The following FAM234A variants were observed in gnomAD, a reference collection of about 807,000 sequenced individuals.
FAM234A encodes the protein protein FAM234A.
In FAM234A, 42 loss-of-function variants were observed where a neutral mutation model predicts 49.1. The ratio of observed to expected loss-of-function variants is 0.86; its 90% CI spans 0.67 to 1.11. The LOEUF (loss-of-function observed/expected upper bound fraction) is 1.11. Ranked by LOEUF, FAM234A falls within the 50% of genes least tolerant of loss-of-function variation. The pLI is 0.00. For missense variants in FAM234A, 815 were observed against 745.2 expected (o/e 1.09, Z -1.09); for synonymous variants, 369 against 316.2 (o/e 1.17, Z -1.77).
chr16:269,369 G>T (rs920288556), downstream of FAM234A: 2 of 1,602,842 alleles, frequency 1.2e-6, no homozygotes, highest in African/African-American at 2.7e-5. Context: ...TGGCCTCCAC[G>T]TAAACGGGAA....
chr16:248,760 A>G (rs779753356), intron 1 of FAM234A, among the ~76,000 whole-genome samples: 2 of 151,764 alleles, frequency 1.3e-5, no homozygotes, highest in African/African-American at 4.9e-5. Flanking sequence ...AGTTGGGACT[A>G]TAGGTGCCCA....
intron 4 of FAM234A, 28 bp from the exon 5 acceptor site, chr16:259,941 A>G (rs765969706): frequency 1.2e-6 from 2 of 1,603,504 alleles, no homozygotes; most frequent in South Asian, 1.1e-5. Flanking sequence ...ATGGTGCAAC[A>G]GTGAGGTGCC....
chr16:269,579 A>G, downstream of FAM234A: 1 of 1,612,884 alleles, frequency 6.2e-7, no homozygotes, highest in Non-Finnish European at 8.5e-7. Context: ...AACCTTGGGT[A>G]GGAGTCCTAC....
intron 2 of FAM234A, 173 bp from the exon 3 acceptor site, chr16:254,208 A>G: frequency 1.6e-6 from 1 of 638,928 alleles, no homozygotes; most frequent in Non-Finnish European, 2.8e-6. Context: ...CTTAAGTATA[A>G]TCTGTTAAGA....
intron 5 of FAM234A, chr16:260,684 C>T (rs562573817): frequency 6.4e-5 from 30 of 467,528 alleles, no homozygotes; most frequent in African/African-American, 4.6e-4. Context: ...TGCACCTCAT[C>T]GCGGTCTGGA....
chr16:264,059 T>C lies in FAM234A; in HGVS notation c.1232T>C (p.Leu411Pro). ...GGCACTGGAGCCGTCCTGTGTAGCC[T>C]AGCCCTCCCGAGCCTCCCTGGGGGT... is the stretch of plus-strand genomic sequence containing the variant. ...DLGTGAVLCS[L>P]ALPSLPGGPL... is the part of the protein sequence containing the mutation. Residue 411 changes from leucine to proline, a missense_variant, in exon 11 of 13, where the codon CTA becomes CCA. Leu to Pro is a moderately conservative substitution (Grantham distance 98). Coordinates refer to ENST00000399932, the MANE Select transcript of FAM234A (RefSeq NM_032039.4). 1 of 1,613,148 alleles carries C rather than the reference T, an allele frequency of 6.2e-7. No individual in the cohort carries two copies. The highest frequency in any genetic ancestry group is 8.5e-7 in the Non-Finnish European group (1 of 1,179,974).
intron 1 of FAM234A, among the ~76,000 whole-genome samples, chr16:235,969 A>G (rs143230922): frequency 0.017 from 2,566 of 151,380 alleles, 80 homozygotes; most frequent in African/African-American, 0.059. Context: ...CATGGCCAAC[A>G]TGGTGAAATC....
At chr16:261,580 C>T (rs531219989) in intron 6 of FAM234A, 66 bp downstream of exon 6, 248 of 1,503,402 alleles carry the variant, frequency 1.6e-4, no homozygotes, top group Admixed American at 3.8e-4. Flanking sequence ...TGCTCTACCT[C>T]CCCATCTGCT....
chr16:266,099 C>G (rs1244737861), downstream of FAM234A: 22 of 985,492 alleles, frequency 2.2e-5, no homozygotes, highest in Non-Finnish European at 2.3e-5. Flanking sequence ...CTGAAAAACC[C>G]CGGTGGTCAG....
At position 265,894 on chromosome 16, in the gene FAM234A, C is replaced by T. The variant is rs543014418; in HGVS notation, c.*872C>T. Reference sequence around the variant, plus strand: ...TGGCAAGCGCCTGCCTCTCCCCTTCCGGTGCTCACACGCCCACGCCGTGCC... The same window carrying T: ...TGGCAAGCGCCTGCCTCTCCCCTTCTGGTGCTCACACGCCCACGCCGTGCC... On this transcript the variant is annotated 3_prime_UTR_variant, in exon 13 of 13. Transcript: ENST00000399932. The T allele has an allele frequency of 2.7e-5, 27 of 986,594 alleles. No individual in the cohort carries two copies. Among genetic ancestry groups the T allele is most frequent in the South Asian group, 2.3e-4 (5 of 21,302 alleles). The allele number at this position is 986,594 out of a possible 1,614,324, so 61.1% of individuals were successfully genotyped here.
downstream of FAM234A, among the ~76,000 whole-genome samples, chr16:267,660 T>C (rs1296387269): frequency 7.7e-6 from 1 of 129,514 alleles, no homozygotes; most frequent in Non-Finnish European, 1.6e-5. Flanking sequence ...CACACACATA[T>C]GCATGCCTCA....
At position 254,475 on chromosome 16, in the gene FAM234A, C is replaced by T; in HGVS notation, c.62C>T (p.Ser21Leu). 4 of 1,614,056 alleles carry T rather than the reference C, an allele frequency of 2.5e-6. No individual in the cohort carries two copies. Among genetic ancestry groups the T allele is most frequent in the East Asian group, 2.2e-5 (1 of 44,900 alleles). Residue 21 changes from serine (S) to leucine (L), a missense_variant, in exon 3 of 13, where the codon TCG becomes TTG. Physicochemically the swap from Ser to Leu is moderately radical, Grantham distance 145 (BLOSUM62 -2). Transcript: ENST00000399932. The part of the protein sequence containing the change: ...IHPLKNEERK[S>L]QENLGNPSKN... Reference sequence around the variant, plus strand: ...CCCTTGAAAAATGAAGAAAGAAAATCGCAGGAAAATCTGGGAAATCCATCA... The same window carrying T: ...CCCTTGAAAAATGAAGAAAGAAAATTGCAGGAAAATCTGGGAAATCCATCA...
Position 263,732 on chromosome 16 carries a change from C to T in FAM234A, c.1145C>T (p.Thr382Ile), listed in dbSNP as rs868277193. ...ATCTTCGGCCGCTACAAACCAGACA[C>T]CTTGGCTGTAGCCGTTGAAAACGGA... ...KPIFGRYKPD[T>I]LAVAVENGTG... The change falls in exon 10 of 13, where the codon ACC becomes ATC. Residue 382 changes from threonine to isoleucine, a missense_variant. Physicochemically the swap from Thr to Ile is moderately conservative, Grantham distance 89. Transcript: ENST00000399932. The T allele has an allele frequency of 2.5e-6, 4 of 1,614,130 alleles. No individual in the cohort carries two copies. The highest frequency in any genetic ancestry group is 2.7e-5 in the African/African-American group (2 of 75,070).
rs374391321 is a variant in FAM234A, at chr16:265,056, G to A, written c.*34G>A. On this transcript the variant is annotated 3_prime_UTR_variant, in exon 13 of 13. Transcript: ENST00000399932. ...CAGCCAGAGCCTGTGGAGAGACTCCGCCTGCTGACACTAAACGTCCTGGGA... is the reference window on the plus strand; with the variant it reads ...CAGCCAGAGCCTGTGGAGAGACTCCACCTGCTGACACTAAACGTCCTGGGA... 74 of 1,562,570 alleles carry A rather than the reference G, an allele frequency of 4.7e-5. No homozygotes were observed. In the African/African-American group the frequency reaches 7.4e-4, roughly 16 times the overall value.
intron 1 of FAM234A, among the ~76,000 whole-genome samples, chr16:236,060 C>T (rs1029709087): frequency 6.6e-6 from 1 of 151,992 alleles, no homozygotes; most frequent in Non-Finnish European, 1.5e-5. Flanking sequence ...TCAAGCGATT[C>T]TCCCCACTCA....
chr16:256,512 T>G (rs1028277115), intron 3 of FAM234A, among the ~76,000 whole-genome samples: 2 of 152,156 alleles, frequency 1.3e-5, no homozygotes, highest in African/African-American at 4.8e-5. Flanking sequence ...TTGGTGAATG[T>G]CTATTCTTGC....
intron 5 of FAM234A, chr16:260,386 A>G: frequency 1.7e-6 from 1 of 589,802 alleles, no homozygotes; most frequent in Non-Finnish European, 3.1e-6. Context: ...CTCCCGTTAC[A>G]CCTTGCTGGT....
chr16:254,652 G>C lies in FAM234A; in HGVS notation c.239G>C (p.Arg80Pro). 6.2e-7 allele frequency: 1 copy of C among 1,613,946 alleles called. No individual in the cohort carries two copies. Among genetic ancestry groups the C allele is most frequent in the East Asian group, 2.2e-5 (1 of 44,888 alleles). Residue 80 changes from arginine (R) to proline (P), a missense_variant, in exon 3 of 13, where the codon CGA (arginine) becomes CCA (proline). Transcript: ENST00000399932. The part of the protein sequence containing the change: ...IPCPDRPASQ[R>P]MWRIDYSAAV... The stretch of plus-strand genomic sequence containing the variant: ...TGTCCAGACCGGCCGGCGTCACAGC[G>C]AATGTGGAGGATAGACTACAGTGCC...
chr16:249,430 A>G (rs563441710), intron 1 of FAM234A, 119 bp from the exon 2 acceptor site: 1 of 152,056 alleles, frequency 6.6e-6, no homozygotes, highest in African/African-American at 2.4e-5. Context: ...AAAGCACCCA[A>G]GTTATTTTCA....
Sources: allele counts gnomAD v4.1 joint callset (sites outside exome capture counted in the v4.1 genomes callset), GRCh38; gene constraint gnomAD v4.1.1; transcripts MANE v1.5; gene names NCBI Gene and HGNC (gene_info 2026-07-23, HGNC 2026-07-21).